COLEC12: variants seen among roughly 807,000 people sequenced by gnomAD.
The protein encoded by COLEC12 is collectin-12.
A neutral mutation model predicts 71.1 loss-of-function variants in COLEC12; 33 were observed. The observed-to-expected ratio is 0.46, with a 90% CI of 0.35 to 0.62. COLEC12 has a LOEUF of 0.62. COLEC12 is among the 20% of genes least tolerant of loss of function. COLEC12 has a pLI of 0.00. For missense variants in COLEC12, 765 were observed against 916.1 expected, an observed-to-expected ratio of 0.84 and a Z score of 2.13; for synonymous variants, 350 against 353.0, an observed-to-expected ratio of 0.99 and a Z score of 0.10.
intron 8 of COLEC12, among the ~76,000 whole-genome samples, chr18:322,728 T>G (rs778757396): frequency 5.3e-5 from 8 of 152,132 alleles, no homozygotes; most frequent in Admixed American, 3.9e-4. Flanking sequence ...GGGTGCTTCC[T>G]ATAAACAATG....
At chr18:410,999 A>G (rs2143635608) in intron 2 of COLEC12, among the ~76,000 whole-genome samples, 1 of 152,256 alleles carries the variant, frequency 6.6e-6, no homozygotes, top group Admixed American at 6.5e-5. Flanking sequence ...TGCTTAGTAG[A>G]GTGACTGGAT....
chr18:381,876 G>T (rs1187226895), intron 2 of COLEC12, among the ~76,000 whole-genome samples: 1 of 150,086 alleles, frequency 6.7e-6, no homozygotes, highest in Non-Finnish European at 1.5e-5. Context: ...AAAGCAAGTT[G>T]CTGAAGGATT....
intron 2 of COLEC12, among the ~76,000 whole-genome samples, chr18:368,691 C>G (rs575802923): frequency 2.7e-5 from 4 of 150,370 alleles, no homozygotes; most frequent in Non-Finnish European, 5.9e-5. Context: ...GGTGAAACCC[C>G]GTCTCCACTA....
chr18:462,359 G>A (rs1218679970), intron 2 of COLEC12, among the ~76,000 whole-genome samples: 3 of 152,226 alleles, frequency 2.0e-5, no homozygotes, highest in Admixed American at 2.0e-4. Flanking sequence ...TTTAAAAAAT[G>A]AGGTACTGCT....
chr18:405,046 TA>T (rs1332871097), intron 2 of COLEC12, among the ~76,000 whole-genome samples: 8 of 152,260 alleles, frequency 5.3e-5, no homozygotes, highest in African/African-American at 1.9e-4. Flanking sequence ...GCGGTTGAGA[TA>T]AGGACTGAGA....
At chr18:486,419 G>A (rs1274710762) in intron 1 of COLEC12, among the ~76,000 whole-genome samples, 2 of 152,246 alleles carry the variant, frequency 1.3e-5, no homozygotes, top group East Asian at 1.9e-4. Context: ...TCCTGGTCTC[G>A]AGTGATCTGC....
At chr18:464,383 G>A (rs544017456) in intron 2 of COLEC12, among the ~76,000 whole-genome samples, 1 of 152,150 alleles carries the variant, frequency 6.6e-6, no homozygotes, top group African/African-American at 2.4e-5. Context: ...TGAATGGGCC[G>A]CAGTCCATTT....
intron 2 of COLEC12, among the ~76,000 whole-genome samples, chr18:377,351 G>C (rs954833501): frequency 1.3e-5 from 2 of 152,238 alleles, no homozygotes; most frequent in African/African-American, 2.4e-5. Context: ...CCATTGGTCA[G>C]GCTGCCGCCT....
At chr18:457,700 C>T (rs896331789) in intron 2 of COLEC12, among the ~76,000 whole-genome samples, 5 of 152,176 alleles carry the variant, frequency 3.3e-5, no homozygotes, top group African/African-American at 7.2e-5. Context: ...CCATGAAGGG[C>T]TTCCTAGTCC....
At chr18:464,307 T>G (rs1169999252) in intron 2 of COLEC12, among the ~76,000 whole-genome samples, 5 of 152,226 alleles carry the variant, frequency 3.3e-5, no homozygotes, top group Non-Finnish European at 7.3e-5. Context: ...ACACAGCATC[T>G]CGCGACAGTC....
intron 2 of COLEC12, among the ~76,000 whole-genome samples, chr18:382,437 C>T (rs1490845077): frequency 6.6e-6 from 1 of 152,152 alleles, no homozygotes; most frequent in East Asian, 1.9e-4. Context: ...CTCATCACAA[C>T]AGAGTAGGTT....
chr18:494,507 G>A (rs147858701), intron 1 of COLEC12, among the ~76,000 whole-genome samples: 252 of 152,240 alleles, frequency 1.7e-3, no homozygotes, highest in Non-Finnish European at 1.8e-3. Flanking sequence ...GGGGCCCCAG[G>A]GGGTTAAGTG....
At chr18:388,501 T>C (rs547254816) in intron 2 of COLEC12, among the ~76,000 whole-genome samples, 2 of 152,250 alleles carry the variant, frequency 1.3e-5, no homozygotes, top group Non-Finnish European at 2.9e-5. Flanking sequence ...AGCCTCTTTA[T>C]GAAACGATTC....
chr18:409,044 C>G (rs1326453796), intron 2 of COLEC12, among the ~76,000 whole-genome samples: 1 of 151,938 alleles, frequency 6.6e-6, no homozygotes, highest in Non-Finnish European at 1.5e-5. Flanking sequence ...CCATGTTGGT[C>G]AAGCTGGTCT....
intron 2 of COLEC12, among the ~76,000 whole-genome samples, chr18:449,498 G>A (rs1916716635): frequency 1.3e-5 from 2 of 152,232 alleles, no homozygotes; most frequent in African/African-American, 2.4e-5. Context: ...ATAGGTCACT[G>A]TAATGAAGCT....
Position 427,508 on chromosome 18 carries a change from A to C in COLEC12, c.58+53199T>G, listed in dbSNP as rs547864722. 3.3e-5 allele frequency among the ~76,000 whole-genome samples: 5 copies of C among 152,304 alleles called. No homozygotes were observed. In the South Asian group the frequency reaches 1.0e-3, roughly 32 times the overall value. On this transcript the variant is annotated intron_variant, in intron 2 of 9. Coordinates refer to ENST00000400256, the MANE Select transcript of COLEC12 (RefSeq NM_130386.3). ...GCAGAGCTGACCTGGGTGATTTCTC[A>C]GGCCTAGCTCTTTAGAGCTTCTTCA...
chr18:496,473 G>A (rs555912507), intron 1 of COLEC12, among the ~76,000 whole-genome samples: 10 of 152,260 alleles, frequency 6.6e-5, no homozygotes, highest in East Asian at 5.8e-4. Context: ...AGGGAAAAAG[G>A]CCTCATTTTG....
intron 2 of COLEC12, among the ~76,000 whole-genome samples, chr18:374,955 G>A (rs549526210): frequency 2.6e-5 from 4 of 152,350 alleles, no homozygotes; most frequent in Non-Finnish European, 5.9e-5. Flanking sequence ...GTTGGGGAAA[G>A]TTCATCTGTT....
intron 2 of COLEC12, among the ~76,000 whole-genome samples, chr18:443,074 T>C (rs1178978251): frequency 3.3e-5 from 5 of 152,274 alleles, no homozygotes; most frequent in African/African-American, 4.8e-5. Flanking sequence ...CTGTCTTATA[T>C]AGAATCCTGA....
Sources: gnomAD v4.1 joint callset for allele counts (sites outside exome capture counted in the v4.1 genomes callset) on GRCh38, gnomAD v4.1.1 for gene constraint, MANE v1.5 for transcripts, NCBI Gene and HGNC (gene_info 2026-07-23, HGNC 2026-07-21) for gene names.